Variants in AMPH observed in about 807,000 individuals in gnomAD.
AMPH encodes the protein amphiphysin (Stiff-Mann syndrome with breast cancer 128kD autoantigen).
AMPH carries 49 observed loss-of-function variants against 99.1 expected under a neutral mutation model. The ratio of observed to expected loss-of-function variants is 0.49; its 90% CI spans 0.39 to 0.63. The LOEUF (loss-of-function observed/expected upper bound fraction) is 0.63, where lower values mean the gene tolerates loss of function less well. AMPH is among the 20% of genes least tolerant of loss of function. AMPH has a pLI of 0.00. For missense variants in AMPH, 759 were observed against 863.4 expected, an observed-to-expected ratio of 0.88 and a Z score of 1.52; for synonymous variants, 314 against 317.3, an observed-to-expected ratio of 0.99 and a Z score of 0.11.
chr7:38,416,544 A>G (rs1785391399), intron 17 of AMPH, among the ~76,000 whole-genome samples: 1 of 152,184 alleles, frequency 6.6e-6, no homozygotes, highest in South Asian at 2.1e-4. Flanking sequence ...AACCTAAATC[A>G]ATATCTTTTT....
chr7:38,538,884 C>A (rs1299187365), intron 1 of AMPH, among the ~76,000 whole-genome samples: 2 of 152,038 alleles, frequency 1.3e-5, no homozygotes, highest in Admixed American at 6.6e-5. Flanking sequence ...TCTGTGGCAT[C>A]CAGGTAGAGA....
At chr7:38,423,706 T>C (rs767366684) in intron 15 of AMPH, among the ~76,000 whole-genome samples, 5 of 152,170 alleles carry the variant, frequency 3.3e-5, no homozygotes, top group South Asian at 2.1e-4. Flanking sequence ...GTCCGATTTG[T>C]TCCTTAGAAC....
intron 2 of AMPH, among the ~76,000 whole-genome samples, chr7:38,505,780 GCAA>G (rs2129028258): frequency 6.6e-6 from 1 of 152,094 alleles, no homozygotes; most frequent in African/African-American, 2.4e-5. Flanking sequence ...AAAGCATATT[GCAA>G]CAAAAGAAGT....
chr7:38,399,641 T>G (rs1784786563), intron 17 of AMPH, among the ~76,000 whole-genome samples: 1 of 152,220 alleles, frequency 6.6e-6, no homozygotes, highest in Admixed American at 6.5e-5. Flanking sequence ...CTTGCTACAG[T>G]ACATGTTATA....
At chr7:38,408,419 A>G (rs1177248557) in intron 17 of AMPH, among the ~76,000 whole-genome samples, 5 of 152,204 alleles carry the variant, frequency 3.3e-5, no homozygotes, top group Non-Finnish European at 7.3e-5. Flanking sequence ...TCAATAGCAA[A>G]TTATACAATA....
intron 11 of AMPH, among the ~76,000 whole-genome samples, chr7:38,448,759 C>T (rs900566153): frequency 6.6e-6 from 1 of 152,284 alleles, no homozygotes; most frequent in Middle Eastern, 3.4e-3. Context: ...CTAGACCTAT[C>T]GATTGTTCTC....
At position 38,392,377 on chromosome 7, in the gene AMPH, C is replaced by CT. The variant is rs574057389; in HGVS notation, c.1609-361dup. Among the ~76,000 whole-genome samples, 12 of 42,046 alleles carry CT rather than the reference C, an allele frequency of 2.9e-4. 1 individual carries two copies. Among genetic ancestry groups the CT allele is most frequent in the African/African-American group, 8.7e-4 (8 of 9,244 alleles). 27.6% of individuals were successfully genotyped at this position (42,046 alleles called of 152,430 possible). A position where few individuals can be genotyped will look rare whatever the true frequency, so the allele number is the denominator to read the frequency against. On this transcript the variant is annotated intron_variant, in intron 18 of 20. Transcript: ENST00000356264. ...GGAGTCAATGCAGGCCGGCCTGGTTCTTTTTTTTTTTTTTTTTTTTTTTTT... is the reference window on the plus strand; with the variant it reads ...GGAGTCAATGCAGGCCGGCCTGGTTCTTTTTTTTTTTTTTTTTTTTTTTTTT...
Position 38,391,881 on chromosome 7 carries a change from G to C in AMPH, c.1745C>G (p.Pro582Arg), listed in dbSNP as rs764013614. ...AGGCTTCTGCTCCGTAGCCAGCTCC[G>C]GTGTCTCGCTGGTGGGGCCCGGAGG... is the stretch of plus-strand genomic sequence containing the variant. ...AAPPGPTSET[P>R]ELATEQKPIQ... is the part of the protein sequence containing the mutation. Residue 582 changes from proline to arginine, a missense_variant, in exon 19 of 21, where the codon CCG becomes CGG. Transcript: ENST00000356264. 2 of 1,612,780 alleles carry C rather than the reference G, an allele frequency of 1.2e-6. No homozygotes were observed. Among genetic ancestry groups the C allele is most frequent in the Non-Finnish European group, 1.7e-6 (2 of 1,179,734 alleles).
chr7:38,586,749 T>C (rs556689339), intron 1 of AMPH, among the ~76,000 whole-genome samples: 1 of 152,288 alleles, frequency 6.6e-6, no homozygotes, highest in East Asian at 1.9e-4. Flanking sequence ...ATTATCCTCA[T>C]CATGACTATT....
At chr7:38,425,152 A>G (rs1284679835) in intron 15 of AMPH, among the ~76,000 whole-genome samples, 1 of 152,204 alleles carries the variant, frequency 6.6e-6, no homozygotes, top group Non-Finnish European at 1.5e-5. Flanking sequence ...GAATGATTAA[A>G]CCACAAATGA....
intron 3 of AMPH, among the ~76,000 whole-genome samples, chr7:38,498,934 C>T (rs1345078007): frequency 6.6e-6 from 1 of 152,154 alleles, no homozygotes; most frequent in Non-Finnish European, 1.5e-5. Context: ...CCCGTGCTTC[C>T]TTCTGCTTCC....
At chr7:38,606,549 T>C (rs1337255784) in intron 1 of AMPH, among the ~76,000 whole-genome samples, 1 of 149,716 alleles carries the variant, frequency 6.7e-6, no homozygotes, top group Non-Finnish European at 1.5e-5. Context: ...CTGTGGCACG[T>C]CTCAGAACGT....
intron 1 of AMPH, among the ~76,000 whole-genome samples, chr7:38,595,731 T>G (rs1468831046): frequency 2.0e-5 from 3 of 152,182 alleles, no homozygotes; most frequent in Non-Finnish European, 4.4e-5. Flanking sequence ...CCCCCACCTC[T>G]AGTAGTTCCC....
At chr7:38,506,183 A>T (rs1458742114) in intron 2 of AMPH, among the ~76,000 whole-genome samples, 2 of 152,190 alleles carry the variant, frequency 1.3e-5, no homozygotes, top group African/African-American at 4.8e-5. Context: ...GTTGAAAGCC[A>T]CTGAGATGTT....
At chr7:38,624,707 G>C (rs910296919) in intron 1 of AMPH, among the ~76,000 whole-genome samples, 3 of 151,958 alleles carry the variant, frequency 2.0e-5, no homozygotes, top group Non-Finnish European at 4.4e-5. Context: ...ATAAATCCCA[G>C]AGAGATCAAG....
At chr7:38,571,349 A>G (rs1215358037) in intron 1 of AMPH, among the ~76,000 whole-genome samples, 1 of 112,460 alleles carries the variant, frequency 8.9e-6, no homozygotes, top group Non-Finnish European at 1.6e-5. Flanking sequence ...TAGAATATAT[A>G]TATTTACATA....
intron 9 of AMPH, among the ~76,000 whole-genome samples, chr7:38,464,490 T>A (rs1787575379): frequency 6.6e-6 from 1 of 152,080 alleles, no homozygotes; most frequent in Non-Finnish European, 1.5e-5. Context: ...AATAAGAAAA[T>A]TAACAATCTC....
intron 10 of AMPH, among the ~76,000 whole-genome samples, 165 bp from the exon 11 acceptor site, chr7:38,461,576 T>C (rs1787446188): frequency 6.6e-6 from 1 of 152,152 alleles, no homozygotes; most frequent in African/African-American, 2.4e-5. Context: ...GCTGTCTACT[T>C]GTGAGGCTCT....
intron 1 of AMPH, among the ~76,000 whole-genome samples, chr7:38,548,915 T>C (rs1374710927): frequency 6.6e-6 from 1 of 152,234 alleles, no homozygotes; most frequent in Non-Finnish European, 1.5e-5. Context: ...GTCTGCTTTT[T>C]CACTGTGGTA....
Sources: allele counts gnomAD v4.1 joint callset (sites outside exome capture counted in the v4.1 genomes callset), GRCh38; gene constraint gnomAD v4.1.1; transcripts MANE v1.5; gene names NCBI Gene and HGNC (gene_info 2026-07-23, HGNC 2026-07-21).